MUC5B: variants seen among roughly 807,000 people sequenced by gnomAD.
The protein encoded by MUC5B is mucin 5B, oligomeric mucus/gel-forming, also known as mucin-5B.
In MUC5B, 116 loss-of-function variants were observed where a neutral mutation model predicts 376.9. The ratio of observed to expected loss-of-function variants is 0.31; its 90% CI spans 0.26 to 0.36. The LOEUF (loss-of-function observed/expected upper bound fraction) is 0.36. Among genes scored for constraint, MUC5B ranks in the 10% least tolerant of loss-of-function variants. The probability of loss-of-function intolerance (pLI) is 1.00; values close to 1 mark genes in which losing one functional copy is unlikely to be tolerated. For synonymous variants in MUC5B, 3,517 were observed against 3,390.9 expected (o/e 1.04, Z -1.29); for missense variants, 7,165 against 7,769.9 (o/e 0.92, Z 2.93).
Position 1,246,784 on chromosome 11 carries a change from A to G in MUC5B, c.9904A>G (p.Thr3302Ala), listed in dbSNP as rs1862485775. ...SVATPSSTPG[T>A]AHTTKVPTTT... ...GGCCACCCCCTCCTCCACCCCAGGA[A>G]CAGCTCACACTACCAAAGTGCCGAC... The change falls in exon 31 of 49, where the codon ACA becomes GCA. Residue 3302 changes from threonine (T) to alanine (A), a missense_variant. This residue lies in a region of MUC5B where 939 missense variants were observed against 770.6 expected (regional missense o/e 1.22). Coordinates refer to ENST00000529681, the MANE Select transcript of MUC5B (RefSeq NM_002458.3). 1 of 1,610,852 alleles carries G rather than the reference A, an allele frequency of 6.2e-7. No individual in the cohort carries two copies. The highest frequency in any genetic ancestry group is 1.3e-5 in the African/African-American group (1 of 74,454).
intron 1 of MUC5B, 82 bp from the exon 2 acceptor site, chr11:1,225,599 G>A: frequency 3.1e-6 from 4 of 1,294,646 alleles, no homozygotes; most frequent in South Asian, 1.3e-5. Context: ...GCCGCACCAG[G>A]GATGTGGCCA....
Position 1,254,731 on chromosome 11 carries a change from G to T in MUC5B, c.15515G>T (p.Ser5172Ile), listed in dbSNP as rs1862789556. 1 of 1,612,762 alleles carries T rather than the reference G, an allele frequency of 6.2e-7. No homozygotes were observed. Among genetic ancestry groups the T allele is most frequent in the African/African-American group, 1.3e-5 (1 of 74,932 alleles). The change falls in exon 35 of 49, where the codon AGC becomes ATC. Residue 5172 changes from serine (S) to isoleucine (I), a missense_variant. Physicochemically the swap from Ser to Ile is moderately radical, Grantham distance 142. Around this residue, in one of 31 missense-constraint regions of MUC5B, gnomAD observed 842 missense variants for 1,016.9 expected, o/e 0.83. Coordinates refer to ENST00000529681, the MANE Select transcript of MUC5B (RefSeq NM_002458.3). ...CAAATTCCGGTGAGCAGCGGTTTCAGCAAGAACGGCGTGCTTGTGTCTGTG... is the reference window on the plus strand; with the variant it reads ...CAAATTCCGGTGAGCAGCGGTTTCATCAAGAACGGCGTGCTTGTGTCTGTG... ...FDQIPVSSGFSKNGVLVSVLG... is the reference protein window; with the variant it reads ...FDQIPVSSGFIKNGVLVSVLG...
chr11:1,231,981 A>G lies in MUC5B; in HGVS notation c.1679-15A>G, dbSNP rs767196927. ...CCAACAGTGGCCGCTGACATCCCCC[A>G]ACCCTGGCCCCCAGGCCTGTGTGGG... On this transcript the variant is annotated splice_polypyrimidine_tract_variant and intron_variant, in intron 14 of 48. Coordinates refer to ENST00000529681, the MANE Select transcript of MUC5B (RefSeq NM_002458.3). The G allele has an allele frequency of 5.6e-6, 9 of 1,612,386 alleles. No homozygotes were observed. The South Asian group carries it at 9.9e-5, about 18-fold the overall frequency.
rs1206614218 is a variant in MUC5B at position 1,228,615 on chromosome 11, G to T, written c.826G>T (p.Ala276Ser). The change falls in exon 8 of 49, where the codon GCA becomes TCA. Residue 276 changes from alanine to serine, a missense_variant. By Grantham distance (99) the Ala-to-Ser change is moderately conservative. Around this residue, in one of 31 missense-constraint regions of MUC5B, gnomAD observed 640 missense variants for 733.0 expected, o/e 0.87. Coordinates refer to ENST00000529681, the MANE Select transcript of MUC5B (RefSeq NM_002458.3). The stretch of plus-strand genomic sequence containing the variant: ...GGGGCCGGCCTTTGCGGAGTGCCAC[G>T]CACTGGTGGACAGCACTGCGTACCT... ...LLGPAFAECH[A>S]LVDSTAYLAA... 2 of 1,533,452 alleles carry T rather than the reference G, an allele frequency of 1.3e-6. No individual in the cohort carries two copies. The highest frequency in any genetic ancestry group is 8.7e-7 in the Non-Finnish European group (1 of 1,145,820). 95.0% of individuals were successfully genotyped at this position (1,533,452 alleles called of 1,614,324 possible).
At chr11:1,228,453 C>T (rs1012793147) in intron 7 of MUC5B, 111 bp from the exon 8 acceptor site, 2 of 1,062,854 alleles carry the variant, frequency 1.9e-6, no homozygotes, top group South Asian at 3.3e-5. Context: ...GTACAAGGAA[C>T]CCCGACAGGG....
Position 1,251,282 on chromosome 11 carries a change from GGGCCACCAATTCCAC to G in MUC5B, c.14409_14423del (p.Asn4804_Thr4808del). On this transcript the variant is annotated inframe_deletion, in exon 31 of 49. Coordinates refer to ENST00000529681, the MANE Select transcript of MUC5B (RefSeq NM_002458.3). ...CTGACCACCACAGCCACCATGACAA[GGGCCACCAATTCCAC>G]GGCCACACCCTCCTCCACTCTGGGG... 1 of 1,610,214 alleles carries G rather than the reference GGGCCACCAATTCCAC, an allele frequency of 6.2e-7. No individual in the cohort carries two copies. Among genetic ancestry groups the G allele is most frequent in the East Asian group, 2.2e-5 (1 of 44,850 alleles).
chr11:1,229,412 G>C, intron 9 of MUC5B, 117 bp downstream of exon 9: 1 of 1,271,862 alleles, frequency 7.9e-7, no homozygotes. Flanking sequence ...TCCCACCAGA[G>C]GGCCCAGGGT....
At chr11:1,259,126 G>T in intron 44 of MUC5B, 65 bp downstream of exon 44, 2 of 1,421,306 alleles carry the variant, frequency 1.4e-6, no homozygotes, top group Non-Finnish European at 1.9e-6. Flanking sequence ...TGAGACCCGA[G>T]GCACCTGCCC....
In MUC5B at chr11:1,254,111, C is replaced by T. The variant is rs760224555; in HGVS notation, c.15237C>T (p.Gly5079=). The T allele has an allele frequency of 1.9e-5, 30 of 1,611,954 alleles. 1 individual carries two copies. The highest frequency in any genetic ancestry group is 9.3e-5 in the African/African-American group (7 of 74,918). Residue 5079 remains glycine (G), a synonymous_variant, in exon 34 of 49, where the codon GGC becomes GGT. Transcript: ENST00000529681. The part of the protein sequence containing the change: ...YECECICSMW[G]GSHYSTFDGT... The stretch of plus-strand genomic sequence containing the variant: ...CCGCAGGCATCTGCAGCATGTGGGG[C>T]GGCTCCCACTATTCCACCTTTGACG...
rs1564939833 is a variant in MUC5B, at chr11:1,242,677, G to A, written c.5797G>A (p.Ala1933Thr). The stretch of plus-strand genomic sequence containing the variant: ...CACCCCGACCTCCACCCTGAGAACA[G>A]CTCCCCCTCCCAAAGTGCTGACCAC... The part of the protein sequence containing the change: ...TATPTSTLRT[A>T]PPPKVLTTTA... Residue 1933 changes from alanine (A) to threonine (T), a missense_variant, in exon 31 of 49, where the codon GCT becomes ACT. Ala to Thr is a moderately conservative substitution (Grantham distance 58). Transcript: ENST00000529681. 2 of 1,613,490 alleles carry A rather than the reference G, an allele frequency of 1.2e-6. No individual in the cohort carries two copies. Among genetic ancestry groups the A allele is most frequent in the African/African-American group, 2.7e-5 (2 of 74,874 alleles).
At chr11:1,254,960 AGGGG>A in intron 35 of MUC5B, 77 bp from the exon 36 acceptor site, 1 of 360,136 alleles carries the variant, frequency 2.8e-6, no homozygotes, top group Admixed American at 4.7e-5. Context: ...AAGCCTGGGG[AGGGG>A]AATGAGTGGG....
chr11:1,237,161 C>G lies in MUC5B; in HGVS notation c.3294C>G (p.Ser1098=). 3 of 1,432,152 alleles carry G rather than the reference C, an allele frequency of 2.1e-6. No homozygotes were observed. The highest frequency in any genetic ancestry group is 1.8e-6 in the Non-Finnish European group (2 of 1,088,108). The allele number at this position is 1,432,152 out of a possible 1,614,324, so 88.7% of individuals were successfully genotyped here. Reference sequence around the variant, plus strand: ...GCCCCACCTTCGCCGCCTGCCGCTCCCAGGTGGGGCTCTGGTCTTGGCAGG... The same window carrying G: ...GCCCCACCTTCGCCGCCTGCCGCTCGCAGGTGGGGCTCTGGTCTTGGCAGG... ...LHGPTFAACR[S]QVDSTKYYEA... The change falls in exon 25 of 49, where the codon TCC becomes TCG. Residue 1098 remains serine (S), a synonymous_variant. Transcript: ENST00000529681.
At chr11:1,240,571 T>C (rs1862257998) in intron 30 of MUC5B, among the ~76,000 whole-genome samples, 196 bp downstream of exon 30, 1 of 152,194 alleles carries the variant, frequency 6.6e-6, no homozygotes. Context: ...AGCACAATGA[T>C]TGATGGGATA....
In MUC5B at chr11:1,254,738, C is replaced by T. The variant is rs756191731; in HGVS notation, c.15522C>T (p.Asn5174=). 33 of 1,612,784 alleles carry T rather than the reference C, an allele frequency of 2.0e-5. No homozygotes were observed. The highest frequency in any genetic ancestry group is 8.3e-5 in the Admixed American group (5 of 59,990). The change falls in exon 35 of 49, where the codon AAC becomes AAT. Residue 5174 remains asparagine (N), a synonymous_variant. Coordinates refer to ENST00000529681, the MANE Select transcript of MUC5B (RefSeq NM_002458.3). ...CGGTGAGCAGCGGTTTCAGCAAGAA[C>T]GGCGTGCTTGTGTCTGTGCTGGGGA... ...QIPVSSGFSK[N]GVLVSVLGTT...
Position 1,257,137 on chromosome 11 carries a change from C to T in MUC5B, c.16238-103C>T, listed in dbSNP as rs867516409. The T allele has an allele frequency of 5.0e-5, 38 of 756,534 alleles. No individual in the cohort carries two copies. The Middle Eastern group carries it at 6.8e-4, about 14-fold the overall frequency. The allele number at this position is 756,534 out of a possible 1,614,324, so 46.9% of individuals were successfully genotyped here. A position where few individuals can be genotyped will look rare whatever the true frequency, so the allele number is the denominator to read the frequency against. On this transcript the variant is annotated intron_variant, in intron 39 of 48. Coordinates refer to ENST00000529681, the MANE Select transcript of MUC5B (RefSeq NM_002458.3). This position sits in a 1 kb window ranked among gnomAD's most constrained non-coding sequence, Gnocchi z 8.9. Reference sequence around the variant, plus strand: ...AAAAGTTCTCCAGGGCCTTCCATCCCGGGGGGAAGCAGGCTCCAGGCCTGA... The same window carrying T: ...AAAAGTTCTCCAGGGCCTTCCATCCTGGGGGGAAGCAGGCTCCAGGCCTGA...
intron 26 of MUC5B, 60 bp from the exon 27 acceptor site, chr11:1,239,378 C>T (rs1554936277): frequency 2.6e-6 from 4 of 1,555,196 alleles, no homozygotes; most frequent in East Asian, 4.5e-5. Context: ...AGGGGCTGCC[C>T]TGCACAACAG....
chr11:1,246,922 AC>A lies in MUC5B; in HGVS notation c.10047del (p.Ser3350ProfsTer13), dbSNP rs1862492098. 1 of 1,609,330 alleles carries A rather than the reference AC, an allele frequency of 6.2e-7. No homozygotes were observed. Among genetic ancestry groups the A allele is most frequent in the Non-Finnish European group, 8.5e-7 (1 of 1,178,260 alleles). ...TTPTTRGSTVTPSSIPGTTHT... is the reference protein window; with the variant it reads ...TTPTTRGSTVXPSSIPGTTHT... ...ACCCACAACCAGAGGCTCCACGGTG[AC>A]CCCCTCCTCCATCCCGGGGACCACC... On this transcript the variant is annotated frameshift_variant, in exon 31 of 49. Coordinates refer to ENST00000529681, the MANE Select transcript of MUC5B (RefSeq NM_002458.3). LOFTEE classifies it high-confidence loss of function.
rs761751705 is a variant in MUC5B, at chr11:1,225,736, C to T, written c.126C>T (p.Gly42=). The T allele has an allele frequency of 1.1e-5, 17 of 1,603,954 alleles. No individual in the cohort carries two copies. The highest frequency in any genetic ancestry group is 1.3e-5 in the African/African-American group (1 of 74,494). ...AGAATGCAGGGCACACCATGGATGG[C>T]GGTATGTGGCCAGGTTCGGGGGTGG... ...SWENAGHTMD[G]GAPTSSPTRR... The change falls in exon 2 of 49, where the codon GGC becomes GGT. Residue 42 remains glycine, a splice_region_variant and synonymous_variant. Transcript: ENST00000529681.
rs1862542878 is a variant in MUC5B, at chr11:1,247,960, A to C, written c.11080A>C (p.Thr3694Pro). 1 of 1,610,814 alleles carries C rather than the reference A, an allele frequency of 6.2e-7. No individual in the cohort carries two copies. Among genetic ancestry groups the C allele is most frequent in the South Asian group, 1.1e-5 (1 of 91,012 alleles). Residue 3694 changes from threonine (T) to proline (P), a missense_variant, in exon 31 of 49, where the codon ACA (threonine) becomes CCA (proline). Coordinates refer to ENST00000529681, the MANE Select transcript of MUC5B (RefSeq NM_002458.3). ...SSTPGTTWIL[T>P]KLTTTATTTE... is the part of the protein sequence containing the mutation. The stretch of plus-strand genomic sequence containing the variant: ...AACTCCGGGGACGACCTGGATCCTC[A>C]CAAAGCTGACCACAACAGCCACTAC...
Sources: gnomAD v4.1 joint callset for allele counts (sites outside exome capture counted in the v4.1 genomes callset) on GRCh38, gnomAD v4.1.1 for gene constraint, gnomAD v4.1.1 regional missense constraint, Gnocchi (gnomAD v3.1) non-coding constraint, MANE v1.5 for transcripts, NCBI Gene and HGNC (gene_info 2026-07-23, HGNC 2026-07-21) for gene names.